NOVA2: variants seen among roughly 807,000 people sequenced by gnomAD.
The protein encoded by NOVA2 is RNA-binding protein Nova-2.
In NOVA2, 9 loss-of-function variants were observed where a neutral mutation model predicts 22.5. The observed-to-expected ratio is 0.40, with a 90% CI of 0.24 to 0.70. The LOEUF (loss-of-function observed/expected upper bound fraction) is 0.70. Ranked by LOEUF, NOVA2 falls within the 30% of genes least tolerant of loss-of-function variation. The pLI, the probability that NOVA2 is intolerant of heterozygous loss-of-function variation, is 0.38. For missense variants in NOVA2, 383 were observed against 682.8 expected, an observed-to-expected ratio of 0.56 and a Z score of 4.89; for synonymous variants, 318 against 335.2, an observed-to-expected ratio of 0.95 and a Z score of 0.56.
intron 3 of NOVA2, among the ~76,000 whole-genome samples, chr19:45,950,940 G>A (rs1050503458): frequency 6.6e-6 from 1 of 152,216 alleles, no homozygotes; most frequent in African/African-American, 2.4e-5. Context: ...CACAGGTAAT[G>A]AGCAGTAGAG....
At chr19:45,958,562 G>T (rs544592007) in intron 2 of NOVA2, among the ~76,000 whole-genome samples, 25 of 144,480 alleles carry the variant, frequency 1.7e-4, no homozygotes, top group African/African-American at 5.7e-4. Context: ...CGTGTGTGTG[G>T]GTGTGAGGGT....
At chr19:45,958,863 C>T (rs1432298906) in intron 2 of NOVA2, among the ~76,000 whole-genome samples, 5 of 152,216 alleles carry the variant, frequency 3.3e-5, no homozygotes, top group African/African-American at 1.2e-4. Flanking sequence ...CTCTGGTCGT[C>T]TCTTCCAGGA....
At chr19:45,951,158 G>A (rs1017688775) in intron 3 of NOVA2, among the ~76,000 whole-genome samples, 6 of 152,168 alleles carry the variant, frequency 3.9e-5, no homozygotes, top group African/African-American at 1.4e-4. Flanking sequence ...AGCCATACAT[G>A]TTTTTTTGAC....
intron 1 of NOVA2, among the ~76,000 whole-genome samples, chr19:45,965,988 T>A (rs1460059355): frequency 6.6e-6 from 1 of 152,214 alleles, no homozygotes; most frequent in Non-Finnish European, 1.5e-5. Flanking sequence ...GTTCAGTGCT[T>A]ATCACAGCAT....
intron 2 of NOVA2, 37 bp downstream of exon 2, chr19:45,960,973 C>CCG: frequency 6.5e-7 from 1 of 1,546,950 alleles, no homozygotes; most frequent in Non-Finnish European, 8.8e-7. Flanking sequence ...GGAGGAAGGG[C>CCG]GGGGGGCCTA....
chr19:45,939,375 G>A lies in NOVA2; in HGVS notation c.*488C>T, dbSNP rs2146405121. On this transcript the variant is annotated 3_prime_UTR_variant, in exon 4 of 4. Transcript: ENST00000263257. ...GATCTAGAACTGAAAGCAGAGAGGTGGGGTGTTGTGTTTTGGGAAGGCCCC... is the reference window on the plus strand; with the variant it reads ...GATCTAGAACTGAAAGCAGAGAGGTAGGGTGTTGTGTTTTGGGAAGGCCCC... 6.5e-6 allele frequency: 1 copy of A among 152,710 alleles called. No individual in the cohort carries two copies. The highest frequency in any genetic ancestry group is 3.4e-3 in the Middle Eastern group (1 of 292). The allele number at this position is 152,710 out of a possible 1,614,324, so 9.5% of individuals were successfully genotyped here. A position where few individuals can be genotyped will look rare whatever the true frequency, so the allele number is the denominator to read the frequency against.
At chr19:45,969,287 C>T (rs1293513068) in intron 1 of NOVA2, among the ~76,000 whole-genome samples, 1 of 151,990 alleles carries the variant, frequency 6.6e-6, no homozygotes, top group Non-Finnish European at 1.5e-5. Context: ...GGTGGATCAC[C>T]TGAGATCAAG....
intron 1 of NOVA2, among the ~76,000 whole-genome samples, chr19:45,969,783 G>A (rs1038538671): frequency 3.9e-5 from 6 of 152,080 alleles, no homozygotes; most frequent in African/African-American, 4.8e-5. Flanking sequence ...TAGAGTTTCC[G>A]TCCAACCTCT....
chr19:45,961,447 C>G lies in NOVA2; in HGVS notation c.86-294G>C, dbSNP rs1250103491. On this transcript the variant is annotated intron_variant, in intron 1 of 3. Coordinates refer to ENST00000263257, the MANE Select transcript of NOVA2 (RefSeq NM_002516.4). ...TTCAGCCAAGAGCTCGCACAGCTAG[C>G]TACATTCTTCTAGGTGGGGAAGACA... 3.3e-5 allele frequency among the ~76,000 whole-genome samples: 5 copies of G among 151,728 alleles called. No individual in the cohort carries two copies. In the East Asian group the frequency reaches 5.9e-4, roughly 18 times the overall value.
At chr19:45,955,366 G>A (rs1967989391) in intron 2 of NOVA2, among the ~76,000 whole-genome samples, 1 of 152,176 alleles carries the variant, frequency 6.6e-6, no homozygotes, top group Admixed American at 6.5e-5. Flanking sequence ...AGACTCAGGT[G>A]TCAGTTTGTA....
chr19:45,940,941 T>C lies in NOVA2; in HGVS notation c.401A>G (p.Lys134Arg). Residue 134 changes from lysine to arginine, a missense_variant, in exon 4 of 4, where the codon AAG (lysine) becomes AGG (arginine). Physicochemically the swap from Lys to Arg is conservative, Grantham distance 26. Coordinates refer to ENST00000263257, the MANE Select transcript of NOVA2 (RefSeq NM_002516.4). ...CGCCGTGCTGTTGGGGACGATCAGC[T>C]TGGCCTGCGTGGGGAGCAAAAGGGA... Reference protein sequence around the residue: ...TMNPDRAKQAKLIVPNSTAGL... With the variant: ...TMNPDRAKQARLIVPNSTAGL... The C allele has an allele frequency of 6.2e-7, 1 of 1,601,250 alleles. No homozygotes were observed. The highest frequency in any genetic ancestry group is 8.5e-7 in the Non-Finnish European group (1 of 1,179,004).
rs1279730499 is a variant in NOVA2, at chr19:45,935,087, C to A, written c.*4776G>T. 7.4e-6 allele frequency: 1 copy of A among 135,036 alleles called. No homozygotes were observed. The highest frequency in any genetic ancestry group is 1.5e-5 in the Non-Finnish European group (1 of 64,914). 8.4% of individuals were successfully genotyped at this position (135,036 alleles called of 1,614,324 possible). A position where few individuals can be genotyped will look rare whatever the true frequency, so the allele number is the denominator to read the frequency against. On this transcript the variant is annotated 3_prime_UTR_variant, in exon 4 of 4. Transcript: ENST00000263257. ...TCCCGGTGGCCGGTGGTGATGGAGT[C>A]ACTTAGAAGATGAGAGGTTGGTGGT... is the stretch of plus-strand genomic sequence containing the variant.
intron 2 of NOVA2, among the ~76,000 whole-genome samples, chr19:45,959,821 G>GGAGAGAGAGA (rs146270704): frequency 7.3e-6 from 1 of 136,650 alleles, no homozygotes; most frequent in Non-Finnish European, 1.6e-5. Context: ...AGACAGAGAG[G>GGAGAGAGAGA]GAGAGAGAGA....
rs538864331 is a variant in NOVA2 at position 45,963,150 on chromosome 19, G to C, written c.86-1997C>G. The stretch of plus-strand genomic sequence containing the variant: ...AGCACTGTGGAAGGCGGAGGCGGAG[G>C]CGGGCAGATCACGAGGTCAAGAGAC... On this transcript the variant is annotated intron_variant, in intron 1 of 3. Coordinates refer to ENST00000263257, the MANE Select transcript of NOVA2 (RefSeq NM_002516.4). 7.9e-5 allele frequency among the ~76,000 whole-genome samples: 12 copies of C among 152,142 alleles called. No homozygotes were observed. The South Asian group carries it at 2.5e-3, about 32-fold the overall frequency.
chr19:45,955,866 A>AT (rs1352239026), intron 2 of NOVA2, among the ~76,000 whole-genome samples: 2 of 151,954 alleles, frequency 1.3e-5, no homozygotes, highest in East Asian at 3.9e-4. Context: ...CAAAAAAAAA[A>AT]CAAAAAAAAG....
chr19:45,934,795 T>C lies in NOVA2; in HGVS notation c.*5068A>G, dbSNP rs915407917. The C allele has an allele frequency of 7.0e-6, 1 of 141,954 alleles. No individual in the cohort carries two copies. The highest frequency in any genetic ancestry group is 1.5e-5 in the Non-Finnish European group (1 of 66,986). 8.8% of individuals were successfully genotyped at this position (141,954 alleles called of 1,614,324 possible). ...TTTAAAGGGACAAAGCCAAATAGCA[T>C]AGATATTTATAGAGGATGTCAATCC... On this transcript the variant is annotated 3_prime_UTR_variant, in exon 4 of 4. Coordinates refer to ENST00000263257, the MANE Select transcript of NOVA2 (RefSeq NM_002516.4).
At chr19:45,948,699 C>T (rs996467771) in intron 3 of NOVA2, among the ~76,000 whole-genome samples, 7 of 151,890 alleles carry the variant, frequency 4.6e-5, no homozygotes, top group African/African-American at 1.5e-4. Flanking sequence ...CCCACATCTG[C>T]GGTACAGCTA....
At chr19:45,969,627 G>T (rs188224814) in intron 1 of NOVA2, among the ~76,000 whole-genome samples, 1 of 151,804 alleles carries the variant, frequency 6.6e-6, no homozygotes, top group Non-Finnish European at 1.5e-5. Context: ...TTTTATTTTG[G>T]GGGGGTTGAC....
intron 3 of NOVA2, among the ~76,000 whole-genome samples, chr19:45,944,258 A>G (rs1376334058): frequency 1.3e-5 from 2 of 152,110 alleles, no homozygotes; most frequent in Non-Finnish European, 2.9e-5. Flanking sequence ...CCTGGGCATC[A>G]TGATGAAAAC....
Sources: gnomAD v4.1 joint callset for allele counts (sites outside exome capture counted in the v4.1 genomes callset) on GRCh38, gnomAD v4.1.1 for gene constraint, MANE v1.5 for transcripts, NCBI Gene and HGNC (gene_info 2026-07-23, HGNC 2026-07-21) for gene names.